Variants in DEFB119 observed in about 807,000 individuals in gnomAD.
DEFB119 encodes the protein beta-defensin 119.
In DEFB119, 3 loss-of-function variants were observed where a neutral mutation model predicts 2.5. The observed-to-expected ratio is 1.19, with a 90% CI of 0.54 to 3.07. The LOEUF is 3.07. DEFB119 is among the 30% of genes most tolerant of loss of function. DEFB119 has a pLI of 0.03. For missense variants in DEFB119, 113 were observed against 101.1 expected, an observed-to-expected ratio of 1.12 and a Z score of -0.50; for synonymous variants, 29 against 33.7, an observed-to-expected ratio of 0.86 and a Z score of 0.48.
At chr20:31,385,415 T>C (rs1986659855) in intron 1 of DEFB119, among the ~76,000 whole-genome samples, 1 of 150,106 alleles carries the variant, frequency 6.7e-6, no homozygotes, top group Admixed American at 6.6e-5. Flanking sequence ...CCCTGCTCTA[T>C]CTTAATACTG....
chr20:31,378,203 A>T, intron 1 of DEFB119: 1 of 1,171,932 alleles, frequency 8.5e-7, no homozygotes, highest in Non-Finnish European at 1.2e-6. Flanking sequence ...GAGAGGGCCT[A>T]GTGCAGAGTC....
rs759478957 is a variant in DEFB119, at chr20:31,377,442, G to A, written c.62-3C>T. ...GCATCGAAGGATGTGGCGTTTGCCT[G>A]CCAAAGGAAAAAAAATACAAATAGT... On this transcript the variant is annotated splice_polypyrimidine_tract_variant and splice_region_variant and intron_variant, in intron 1 of 1. Transcript: ENST00000376321. 1 of 1,603,420 alleles carries A rather than the reference G, an allele frequency of 6.2e-7. No individual in the cohort carries two copies.
chr20:31,378,941 CTTT>C (rs56082233), intron 1 of DEFB119, among the ~76,000 whole-genome samples: 6 of 143,544 alleles, frequency 4.2e-5, no homozygotes, highest in Admixed American at 6.9e-5. Context: ...AAAGTGGACA[CTTT>C]TTTTTTTTTT....
At chr20:31,388,109 G>A in intron 1 of DEFB119, 4 of 985,370 alleles carry the variant, frequency 4.1e-6, no homozygotes, top group Non-Finnish European at 4.8e-6. Flanking sequence ...TGAGAATAAA[G>A]TCTGGGAAGA....
intron 1 of DEFB119, chr20:31,389,153 T>C: frequency 6.2e-7 from 1 of 1,614,214 alleles, no homozygotes; most frequent in Non-Finnish European, 8.5e-7. Context: ...CAGCACCGTT[T>C]ACGATTTCGG....
chr20:31,377,906 C>T lies in DEFB119; in HGVS notation c.62-467G>A, dbSNP rs956278656. Among the ~76,000 whole-genome samples the T allele has an allele frequency of 3.9e-5, 6 of 152,316 alleles. No homozygotes were observed. The South Asian group carries it at 1.0e-3, about 26-fold the overall frequency. On this transcript the variant is annotated intron_variant, in intron 1 of 1. Transcript: ENST00000376321. ...CAAGAAAGAACAATTTAGACAATAA[C>T]CACTCCACTCCAGGAAAAACCAAAG... is the stretch of plus-strand genomic sequence containing the variant.
At chr20:31,382,636 C>T (rs1326028160) in intron 1 of DEFB119, among the ~76,000 whole-genome samples, 1 of 152,248 alleles carries the variant, frequency 6.6e-6, no homozygotes, top group African/African-American at 2.4e-5. Flanking sequence ...CTCCCTCCAG[C>T]CCAGAAGTTT....
chr20:31,388,219 G>A, intron 1 of DEFB119: 1 of 984,396 alleles, frequency 1.0e-6, no homozygotes, highest in Non-Finnish European at 1.2e-6. Flanking sequence ...ACAGGCTTCT[G>A]TCTCCCTCAG....
At position 31,385,293 on chromosome 20, in the gene DEFB119, G is replaced by A. The variant is rs548171766; in HGVS notation, c.61+5130C>T. 6.7e-5 allele frequency among the ~76,000 whole-genome samples: 10 copies of A among 148,824 alleles called. No individual in the cohort carries two copies. The East Asian group carries it at 1.8e-3, about 27-fold the overall frequency. On this transcript the variant is annotated intron_variant, in intron 1 of 1. Transcript: ENST00000376321. ...CTTTCTCATAGAATGCCCATATCAA[G>A]TGATAATCCAATGTCTGCCATTACT... is the stretch of plus-strand genomic sequence containing the variant.
intron 1 of DEFB119, chr20:31,389,202 C>T (rs369081684): frequency 1.7e-5 from 27 of 1,614,032 alleles, no homozygotes; most frequent in Non-Finnish European, 1.9e-5. Flanking sequence ...TGCACAACAA[C>T]CGGCAGTGTC....
chr20:31,384,277 A>G (rs540476669), intron 1 of DEFB119, among the ~76,000 whole-genome samples: 1 of 152,328 alleles, frequency 6.6e-6, no homozygotes, highest in South Asian at 2.1e-4. Context: ...TAAAATAACT[A>G]AAAGAGTATA....
At chr20:31,378,840 A>G (rs1051304558) in intron 1 of DEFB119, among the ~76,000 whole-genome samples, 2 of 152,256 alleles carry the variant, frequency 1.3e-5, no homozygotes, top group Non-Finnish European at 2.9e-5. Flanking sequence ...AGGAACATTT[A>G]AAAATACAAT....
intron 1 of DEFB119, among the ~76,000 whole-genome samples, chr20:31,377,914 C>T (rs911866955): frequency 6.6e-6 from 1 of 152,218 alleles, no homozygotes; most frequent in African/African-American, 2.4e-5. Flanking sequence ...AACCACTCCA[C>T]TCCAGGAAAA....
chr20:31,389,036 T>C (rs1568732737), intron 1 of DEFB119: 3 of 1,614,106 alleles, frequency 1.9e-6, no homozygotes, highest in Non-Finnish European at 2.5e-6. Context: ...TATCTATTAG[T>C]TATATTTGTC....
intron 1 of DEFB119, among the ~76,000 whole-genome samples, chr20:31,377,844 C>T (rs1336633302): frequency 6.6e-6 from 1 of 152,172 alleles, no homozygotes; most frequent in East Asian, 1.9e-4. Context: ...GAAAAGTCTC[C>T]TCTCTCTAGC....
At chr20:31,389,791 C>T (rs1341136090) in intron 1 of DEFB119, among the ~76,000 whole-genome samples, 1 of 152,044 alleles carries the variant, frequency 6.6e-6, no homozygotes, top group African/African-American at 2.4e-5. Flanking sequence ...ACTCAATGCC[C>T]CCAAGCCCCA....
At chr20:31,378,274 G>A (rs1486257363) in intron 1 of DEFB119, 2 of 1,608,952 alleles carry the variant, frequency 1.2e-6, no homozygotes, top group Admixed American at 1.7e-5. Context: ...TGACTTGGAG[G>A]CCACACGGGG....
At chr20:31,388,910 T>C in intron 1 of DEFB119, 3 of 1,302,170 alleles carry the variant, frequency 2.3e-6, no homozygotes, top group Non-Finnish European at 3.1e-6. Context: ...CCCCCTGCCA[T>C]CCCCCCACCC....
chr20:31,380,333 A>C (rs6120014), intron 1 of DEFB119, among the ~76,000 whole-genome samples: 5,330 of 152,188 alleles, frequency 0.035, 319 homozygotes, highest in African/African-American at 0.12. Flanking sequence ...CGGCACAATC[A>C]TAGCTCACTA....
Sources: gnomAD v4.1 joint callset for allele counts (sites outside exome capture counted in the v4.1 genomes callset) on GRCh38, gnomAD v4.1.1 for gene constraint, MANE v1.5 for transcripts, NCBI Gene and HGNC (gene_info 2026-07-23, HGNC 2026-07-21) for gene names.